ITGB5: variants seen among roughly 807,000 people sequenced by gnomAD.
ITGB5 encodes integrin subunit beta 5.
ITGB5 carries 38 observed loss-of-function variants against 84.8 expected under a neutral mutation model. The ratio of observed to expected loss-of-function variants is 0.45; its 90% CI spans 0.35 to 0.59. The LOEUF (loss-of-function observed/expected upper bound fraction) is 0.59, where lower values mean the gene tolerates loss of function less well. Ranked by LOEUF, ITGB5 falls within the 20% of genes least tolerant of loss-of-function variation. ITGB5 has a pLI of 0.01. For missense variants in ITGB5, 905 were observed against 1,034.5 expected (o/e 0.87, Z 1.72); for synonymous variants, 393 against 414.4 (o/e 0.95, Z 0.63).
intron 9 of ITGB5, among the ~76,000 whole-genome samples, chr3:124,806,939 C>T (rs192620869): frequency 7.9e-5 from 12 of 152,068 alleles, no homozygotes; most frequent in South Asian, 4.2e-4. Flanking sequence ...GCTTTCCCCC[C>T]GATGTAAAAT....
chr3:124,875,476 C>CAAAAAAAAAAAAAAAAAA (rs35782965), intron 1 of ITGB5, among the ~76,000 whole-genome samples: 2 of 104,670 alleles, frequency 1.9e-5, no homozygotes, highest in Non-Finnish European at 3.9e-5. Context: ...GACTCTGTCT[C>CAAAAAAAAAAAAAAAAAA]AAAAAAAAAA....
At chr3:124,866,311 T>C (rs1220635622) in intron 2 of ITGB5, among the ~76,000 whole-genome samples, 1 of 152,196 alleles carries the variant, frequency 6.6e-6, no homozygotes, top group East Asian at 1.9e-4. Context: ...AATCAAGGTC[T>C]CTTACCCTGC....
At chr3:124,839,106 A>C (rs2064977978) in intron 5 of ITGB5, among the ~76,000 whole-genome samples, 1 of 152,226 alleles carries the variant, frequency 6.6e-6, no homozygotes, top group East Asian at 1.9e-4. Context: ...GGAAAAGAAA[A>C]GGCAAAGAGA....
chr3:124,808,927 C>T (rs1012019368), intron 9 of ITGB5, 95 bp downstream of exon 9: 95 of 1,348,760 alleles, frequency 7.0e-5, no homozygotes, highest in Middle Eastern at 1.9e-4. Flanking sequence ...ATATAAATTC[C>T]GAAAGGACTC....
At chr3:124,886,775 C>A (rs1333844382) in intron 1 of ITGB5, among the ~76,000 whole-genome samples, 156 bp downstream of exon 1, 1 of 151,342 alleles carries the variant, frequency 6.6e-6, no homozygotes, top group African/African-American at 2.4e-5. Context: ...GGGAGCGCCC[C>A]GCGGGGCTGT....
intron 13 of ITGB5, among the ~76,000 whole-genome samples, chr3:124,765,586 GT>G (rs1301786783): frequency 2.6e-5 from 4 of 152,200 alleles, no homozygotes; most frequent in Non-Finnish European, 4.4e-5. Flanking sequence ...TTTCACGTCT[GT>G]GCTCCTCCAA....
chr3:124,822,871 C>G (rs931041826), intron 5 of ITGB5, among the ~76,000 whole-genome samples: 8 of 152,106 alleles, frequency 5.3e-5, no homozygotes, highest in African/African-American at 1.2e-4. Flanking sequence ...GAAGGAAAGT[C>G]CAATGCTAAT....
intron 3 of ITGB5, among the ~76,000 whole-genome samples, chr3:124,854,778 TA>T (rs1345404174): frequency 6.6e-6 from 1 of 152,286 alleles, no homozygotes; most frequent in African/African-American, 2.4e-5. Flanking sequence ...TATCTCAATT[TA>T]AAAAAATAAA....
chr3:124,765,449 G>A (rs918557127), intron 13 of ITGB5, among the ~76,000 whole-genome samples: 5 of 152,212 alleles, frequency 3.3e-5, no homozygotes, highest in Non-Finnish European at 7.3e-5. Context: ...GTGTGGAGCT[G>A]GATGCTCCCT....
chr3:124,806,087 T>C (rs2064397561), intron 9 of ITGB5, among the ~76,000 whole-genome samples: 1 of 152,208 alleles, frequency 6.6e-6, no homozygotes, highest in South Asian at 2.1e-4. Flanking sequence ...CTGGCTGCAT[T>C]ATCAACACTC....
chr3:124,825,267 C>T (rs1005325943), intron 5 of ITGB5, among the ~76,000 whole-genome samples: 1 of 151,824 alleles, frequency 6.6e-6, no homozygotes, highest in Admixed American at 6.6e-5. Context: ...AAATGTTTCA[C>T]CAACTCTGGA....
At chr3:124,825,147 A>G (rs949963949) in intron 5 of ITGB5, among the ~76,000 whole-genome samples, 3 of 151,776 alleles carry the variant, frequency 2.0e-5, no homozygotes, top group Non-Finnish European at 4.4e-5. Flanking sequence ...CAGTGAGCCA[A>G]GATCATGCCA....
At chr3:124,869,511 G>T (rs893906010) in intron 2 of ITGB5, among the ~76,000 whole-genome samples, 10 of 152,186 alleles carry the variant, frequency 6.6e-5, no homozygotes, top group Non-Finnish European at 1.3e-4. Flanking sequence ...GGAGGTTGAA[G>T]CTAGAGTGAG....
intron 4 of ITGB5, among the ~76,000 whole-genome samples, chr3:124,848,024 G>A (rs1354152748): frequency 6.6e-6 from 1 of 152,124 alleles, no homozygotes; most frequent in Non-Finnish European, 1.5e-5. Context: ...ACTCCCTGAG[G>A]ACATTTTCTG....
Position 124,844,347 on chromosome 3 carries a change from G to A in ITGB5, c.612-2796C>T, listed in dbSNP as rs558489191. 1.2e-3 allele frequency among the ~76,000 whole-genome samples: 188 copies of A among 152,210 alleles called. 1 individual carries two copies. Among genetic ancestry groups the A allele is most frequent in the African/African-American group, 4.3e-3 (178 of 41,534 alleles). On this transcript the variant is annotated intron_variant, in intron 4 of 14. Transcript: ENST00000296181. ...GGCTGAGGCAGGCAGATCACCTGAGGTCAGGAGTTCAAGACCAGCCTGGCC... is the reference window on the plus strand; with the variant it reads ...GGCTGAGGCAGGCAGATCACCTGAGATCAGGAGTTCAAGACCAGCCTGGCC...
chr3:124,779,834 G>A (rs779860242), intron 10 of ITGB5, among the ~76,000 whole-genome samples: 1 of 152,134 alleles, frequency 6.6e-6, no homozygotes, highest in East Asian at 1.9e-4. Flanking sequence ...GCTTGGCACA[G>A]GTCTTTTTGG....
At chr3:124,837,434 C>G (rs570583104) in intron 5 of ITGB5, among the ~76,000 whole-genome samples, 57 of 152,296 alleles carry the variant, frequency 3.7e-4, no homozygotes, top group African/African-American at 1.3e-3. Context: ...CAACTCCAAC[C>G]CAGCCAGGAA....
chr3:124,812,526 C>T (rs1429372636), intron 8 of ITGB5, among the ~76,000 whole-genome samples: 2 of 152,242 alleles, frequency 1.3e-5, no homozygotes, highest in African/African-American at 4.8e-5. Context: ...ATTCTGTTCG[C>T]TCCCACACTG....
intron 12 of ITGB5, 101 bp from the exon 13 acceptor site, chr3:124,766,446 A>G (rs955611786): frequency 1.1e-5 from 16 of 1,424,460 alleles, no homozygotes; most frequent in East Asian, 4.7e-5. Flanking sequence ...AGGAAAGGGC[A>G]TGGGGGGTGT....
Sources: allele counts gnomAD v4.1 joint callset (sites outside exome capture counted in the v4.1 genomes callset), GRCh38; gene constraint gnomAD v4.1.1; transcripts MANE v1.5; gene names NCBI Gene and HGNC (gene_info 2026-07-23, HGNC 2026-07-21).